The following MYO1E variants were observed in gnomAD, a reference collection of about 807,000 sequenced individuals.
MYO1E encodes the protein unconventional myosin-Ie.
A neutral mutation model predicts 151.1 loss-of-function variants in MYO1E; 68 were observed. That is an observed-to-expected ratio of 0.45 (90% CI 0.37 to 0.55). MYO1E has a LOEUF of 0.55. Among genes scored for constraint, MYO1E ranks in the 20% least tolerant of loss-of-function variants. MYO1E has a pLI of 0.00. For synonymous variants in MYO1E, 601 were observed against 501.7 expected (o/e 1.20, Z -2.64); for missense variants, 1,363 against 1,389.3 (o/e 0.98, Z 0.30).
rs10717328 is a variant in MYO1E, at chr15:59,296,839, CTTTTTTT to C, written c.4-24397_4-24391del. Among the ~76,000 whole-genome samples the C allele has an allele frequency of 1.6e-4, 20 of 125,550 alleles. 1 individual carries two copies. The highest frequency in any genetic ancestry group is 5.5e-4 in the South Asian group (2 of 3,634). 82.4% of individuals were successfully genotyped at this position (125,550 alleles called of 152,430 possible). A position where few individuals can be genotyped will look rare whatever the true frequency, so the allele number is the denominator to read the frequency against. ...ATACAAAGAATTCACATACTTTTTT[CTTTTTTT>C]TTTTTTTTTTTGAGATGGAATCTCG... is the stretch of plus-strand genomic sequence containing the variant. On this transcript the variant is annotated intron_variant, in intron 1 of 27. Transcript: ENST00000288235.
At chr15:59,214,950 G>T (rs2079904104) in intron 10 of MYO1E, among the ~76,000 whole-genome samples, 1 of 152,188 alleles carries the variant, frequency 6.6e-6, no homozygotes, top group Non-Finnish European at 1.5e-5. Flanking sequence ...AACAAAAAAT[G>T]TTTGTTTAAT....
chr15:59,336,346 G>T (rs1323452977), intron 1 of MYO1E, among the ~76,000 whole-genome samples: 1 of 151,934 alleles, frequency 6.6e-6, no homozygotes, highest in African/African-American at 2.4e-5. Context: ...CTCCAGTCTC[G>T]GTGATGGGAG....
At chr15:59,140,780 T>C (rs1242487965) in intron 26 of MYO1E, among the ~76,000 whole-genome samples, 1 of 152,162 alleles carries the variant, frequency 6.6e-6, no homozygotes, top group Non-Finnish European at 1.5e-5. Context: ...GGTGGTGGAC[T>C]GTCCCCAGGA....
chr15:59,179,486 C>T lies in MYO1E; in HGVS notation c.1905-949G>A, dbSNP rs576194433. Among the ~76,000 whole-genome samples, 5 of 152,240 alleles carry T rather than the reference C, an allele frequency of 3.3e-5. No homozygotes were observed. In the South Asian group the frequency reaches 1.0e-3, roughly 32 times the overall value. The stretch of plus-strand genomic sequence containing the variant: ...GCACACAGCAGTCATAATGAACATT[C>T]CTGGCTAATGCGGATGGGTGCTCTC... On this transcript the variant is annotated intron_variant, in intron 18 of 27. Transcript: ENST00000288235.
At chr15:59,195,620 A>G in intron 16 of MYO1E, 53 bp from the exon 17 acceptor site, 1 of 1,460,990 alleles carries the variant, frequency 6.8e-7, no homozygotes, top group Non-Finnish European at 9.6e-7. Context: ...AAGAAGACCA[A>G]ATTTCAAAGG....
At chr15:59,297,888 G>C (rs146005723) in intron 1 of MYO1E, among the ~76,000 whole-genome samples, 2 of 152,048 alleles carry the variant, frequency 1.3e-5, no homozygotes, top group African/African-American at 2.4e-5. Flanking sequence ...CTTTTATGAT[G>C]GTGACATTTT....
chr15:59,164,551 A>T (rs2079554052), intron 22 of MYO1E, among the ~76,000 whole-genome samples: 1 of 152,188 alleles, frequency 6.6e-6, no homozygotes, highest in African/African-American at 2.4e-5. Flanking sequence ...AAGCCAGATG[A>T]TGAGGCAAGG....
intron 3 of MYO1E, among the ~76,000 whole-genome samples, chr15:59,257,607 T>C (rs1445413253): frequency 2.6e-5 from 4 of 152,200 alleles, no homozygotes; most frequent in East Asian, 1.9e-4. Context: ...GGCTGAGAAG[T>C]TGCTGCTCAC....
chr15:59,297,684 T>C (rs1307745298), intron 1 of MYO1E, among the ~76,000 whole-genome samples: 2 of 151,880 alleles, frequency 1.3e-5, no homozygotes, highest in Admixed American at 6.6e-5. Context: ...TGGGCTCAAG[T>C]GATCCTCCCA....
At chr15:59,237,931 A>G (rs972720133) in intron 4 of MYO1E, among the ~76,000 whole-genome samples, 2 of 152,230 alleles carry the variant, frequency 1.3e-5, no homozygotes, top group Non-Finnish European at 2.9e-5. Context: ...ACGGTTTTAA[A>G]GAAATTATGG....
At chr15:59,361,785 G>A (rs1339362686) in intron 1 of MYO1E, among the ~76,000 whole-genome samples, 3 of 151,812 alleles carry the variant, frequency 2.0e-5, no homozygotes, top group Non-Finnish European at 4.4e-5. Context: ...TCAGTATTTT[G>A]AACTTGGTGT....
intron 1 of MYO1E, among the ~76,000 whole-genome samples, chr15:59,320,691 G>A (rs1331935150): frequency 3.9e-5 from 6 of 152,002 alleles, no homozygotes; most frequent in Non-Finnish European, 8.8e-5. Flanking sequence ...AACCCAAGAT[G>A]GATTAAAGAT....
intron 4 of MYO1E, among the ~76,000 whole-genome samples, chr15:59,249,253 C>A (rs1413663454): frequency 1.3e-5 from 2 of 152,044 alleles, no homozygotes; most frequent in Admixed American, 1.3e-4. Context: ...GAAACCCAGT[C>A]TCTACTAAAA....
intron 22 of MYO1E, among the ~76,000 whole-genome samples, chr15:59,168,382 C>CA (rs1348924208): frequency 1.5e-4 from 22 of 151,660 alleles, no homozygotes; most frequent in Admixed American, 2.6e-4. Context: ...CGTGTCTCTA[C>CA]AAAAAATACA....
intron 2 of MYO1E, among the ~76,000 whole-genome samples, chr15:59,269,994 C>G (rs1004181040): frequency 1.3e-5 from 2 of 152,122 alleles, no homozygotes; most frequent in African/African-American, 4.8e-5. Flanking sequence ...AGTGTGAAAA[C>G]AACCCTAAAC....
chr15:59,239,066 C>T (rs1327723176), intron 4 of MYO1E, among the ~76,000 whole-genome samples: 4 of 151,094 alleles, frequency 2.6e-5, no homozygotes, highest in Non-Finnish European at 4.4e-5. Flanking sequence ...ACTAGCTGGG[C>T]GTGATGGCAG....
At position 59,138,324 on chromosome 15, in the gene MYO1E, T is replaced by C; in HGVS notation, c.3124A>G (p.Arg1042Gly). 1.2e-6 allele frequency: 2 copies of C among 1,614,224 alleles called. No individual in the cohort carries two copies. Among genetic ancestry groups the C allele is most frequent in the Non-Finnish European group, 1.7e-6 (2 of 1,180,028 alleles). Residue 1042 changes from arginine (R) to glycine (G), a missense_variant, in exon 27 of 28, where the codon AGA becomes GGA. Coordinates refer to ENST00000288235, the MANE Select transcript of MYO1E (RefSeq NM_004998.4). ...TTGGGCTTGGGCTGGGGCTTGGGTC[T>C]GCCCCCTGCTGGGGGAGGCCGACTG... ...TTSRPPPAGG[R>G]PKPQPKPKPQ...
At chr15:59,268,783 T>A (rs1201989295) in intron 2 of MYO1E, among the ~76,000 whole-genome samples, 1 of 137,502 alleles carries the variant, frequency 7.3e-6, no homozygotes, top group African/African-American at 2.6e-5. Context: ...GAACCTACAT[T>A]GCTCTAAAGG....
chr15:59,322,958 A>T (rs1396170101), intron 1 of MYO1E, among the ~76,000 whole-genome samples: 1 of 151,256 alleles, frequency 6.6e-6, no homozygotes, highest in Non-Finnish European at 1.5e-5. Context: ...TCAGGAGATC[A>T]AGACCATCCT....
Sources: gnomAD v4.1 joint callset for allele counts (sites outside exome capture counted in the v4.1 genomes callset) on GRCh38, gnomAD v4.1.1 for gene constraint, MANE v1.5 for transcripts, NCBI Gene and HGNC (gene_info 2026-07-23, HGNC 2026-07-21) for gene names.